The following TBC1D5 variants were observed in gnomAD, a reference collection of about 807,000 sequenced individuals.
TBC1D5 encodes the protein TBC1 domain family, member 5.
In TBC1D5, 75 loss-of-function variants were observed where a neutral mutation model predicts 100.3. The observed-to-expected ratio is 0.75, with a 90% confidence interval of 0.62 to 0.91. The LOEUF is 0.91. Ranked by LOEUF, TBC1D5 falls within the 40% of genes least tolerant of loss-of-function variation. TBC1D5 has a pLI of 0.00. For synonymous variants in TBC1D5, 323 were observed against 325.6 expected (o/e 0.99, Z 0.09); for missense variants, 910 against 942.4 (o/e 0.97, Z 0.45).
At chr3:17,162,023 TAAC>T (rs2066108546) in intron 21 of TBC1D5, among the ~76,000 whole-genome samples, 1 of 148,502 alleles carries the variant, frequency 6.7e-6, no homozygotes, top group African/African-American at 2.6e-5. Flanking sequence ...TTTTATTTTT[TAAC>T]TTACTTAATA....
chr3:17,317,396 A>ATTCC (rs2084828161), intron 13 of TBC1D5, among the ~76,000 whole-genome samples: 1 of 152,174 alleles, frequency 6.6e-6, no homozygotes, highest in Non-Finnish European at 1.5e-5. Flanking sequence ...ATGAAGGGAA[A>ATTCC]GGGCAGTCAA....
At chr3:17,228,146 C>T (rs1290727896) in intron 17 of TBC1D5, among the ~76,000 whole-genome samples, 1 of 152,064 alleles carries the variant, frequency 6.6e-6, no homozygotes, top group Non-Finnish European at 1.5e-5. Context: ...GAGATTATGG[C>T]CTTCAACTGA....
chr3:17,450,360 G>A (rs2094897667), intron 3 of TBC1D5, among the ~76,000 whole-genome samples: 1 of 152,110 alleles, frequency 6.6e-6, no homozygotes, highest in Non-Finnish European at 1.5e-5. Context: ...ACCAGCAAGG[G>A]AACAAAACTG....
chr3:17,590,700 C>T (rs879676110), intron 2 of TBC1D5, among the ~76,000 whole-genome samples: 6 of 152,082 alleles, frequency 3.9e-5, no homozygotes, highest in East Asian at 1.9e-4. Context: ...AGTTGGATCC[C>T]GAGGTGGCAG....
intron 1 of TBC1D5, among the ~76,000 whole-genome samples, chr3:17,637,026 A>ATT (rs200983087): frequency 7.0e-6 from 1 of 143,424 alleles, no homozygotes. Context: ...ATCATTTATT[A>ATT]TTTTTTTTTT....
chr3:17,427,536 G>C (rs1468768715), intron 4 of TBC1D5, among the ~76,000 whole-genome samples: 3 of 151,674 alleles, frequency 2.0e-5, no homozygotes, highest in Non-Finnish European at 3.0e-5. Context: ...ATTTATTATA[G>C]AAAAGAAGAC....
intron 16 of TBC1D5, among the ~76,000 whole-genome samples, chr3:17,239,709 G>C (rs2076156205): frequency 6.6e-6 from 1 of 152,016 alleles, no homozygotes; most frequent in Admixed American, 6.5e-5. Context: ...CTCTTGGCCA[G>C]CACCTGTATT....
chr3:17,433,023 C>T (rs1350367854), intron 3 of TBC1D5, among the ~76,000 whole-genome samples: 3 of 112,512 alleles, frequency 2.7e-5, no homozygotes, highest in Non-Finnish European at 5.6e-5. Flanking sequence ...TTTACACTTG[C>T]CCTTGCCCCA....
intron 1 of TBC1D5, among the ~76,000 whole-genome samples, chr3:17,702,014 AGTTT>A (rs2073288320): frequency 6.6e-6 from 1 of 152,190 alleles, no homozygotes; most frequent in East Asian, 1.9e-4. Context: ...AACTGTGTTT[AGTTT>A]ATTAAATTAG....
chr3:17,480,858 T>C (rs2095493443), intron 3 of TBC1D5, among the ~76,000 whole-genome samples: 1 of 152,168 alleles, frequency 6.6e-6, no homozygotes, highest in African/African-American at 2.4e-5. Context: ...TTGCTCACCA[T>C]CCAGTTGTCC....
At chr3:17,499,703 AT>A (rs1231040006) in intron 3 of TBC1D5, among the ~76,000 whole-genome samples, 1 of 148,904 alleles carries the variant, frequency 6.7e-6, no homozygotes, top group Non-Finnish European at 1.5e-5. Context: ...AAAAAAAAAA[AT>A]CTAAACCCTT....
intron 1 of TBC1D5, among the ~76,000 whole-genome samples, chr3:17,646,344 T>C (rs532000007): frequency 6.6e-6 from 1 of 152,242 alleles, no homozygotes; most frequent in South Asian, 2.1e-4. Flanking sequence ...AAATTTCTTT[T>C]GTTTTTAGCC....
At chr3:17,688,905 A>G (rs1202642570) in intron 1 of TBC1D5, among the ~76,000 whole-genome samples, 1 of 152,316 alleles carries the variant, frequency 6.6e-6, no homozygotes, top group East Asian at 1.9e-4. Context: ...CACATCTAAC[A>G]TAAATTATAT....
chr3:17,660,414 T>C (rs1288515829), intron 1 of TBC1D5, among the ~76,000 whole-genome samples: 1 of 152,162 alleles, frequency 6.6e-6, no homozygotes, highest in Non-Finnish European at 1.5e-5. Context: ...CTGAACCAAA[T>C]GCTATAATAC....
intron 18 of TBC1D5, among the ~76,000 whole-genome samples, chr3:17,198,091 T>C (rs1428426431): frequency 6.6e-6 from 1 of 152,214 alleles, no homozygotes; most frequent in Admixed American, 6.5e-5. Flanking sequence ...AATACATTCA[T>C]GAAAATCAAA....
At position 17,442,760 on chromosome 3, in the gene TBC1D5, T is replaced by C. The variant is rs1255362332; in HGVS notation, c.98-14241A>G. On this transcript the variant is annotated intron_variant, in intron 3 of 21. Transcript: ENST00000253692. The stretch of plus-strand genomic sequence containing the variant: ...GACTAAAAAAGCATGGAAAGGACTT[T>C]GAAACTGCTGACACTGGAACCTCCA... Among the ~76,000 whole-genome samples the C allele has an allele frequency of 1.3e-5, 2 of 152,194 alleles. 1 individual carries two copies.
chr3:17,558,507 A>G (rs1181421339), intron 2 of TBC1D5, among the ~76,000 whole-genome samples: 5 of 152,234 alleles, frequency 3.3e-5, no homozygotes, highest in Non-Finnish European at 4.4e-5. Context: ...AATGTGATCA[A>G]AAACTAATAG....
At chr3:17,214,688 G>C (rs1487658471) in intron 17 of TBC1D5, among the ~76,000 whole-genome samples, 1 of 151,148 alleles carries the variant, frequency 6.6e-6, no homozygotes. Context: ...TAAATGACTG[G>C]GTGTTTCTTC....
chr3:17,367,166 A>T (rs2092195996), intron 13 of TBC1D5, among the ~76,000 whole-genome samples: 2 of 152,198 alleles, frequency 1.3e-5, no homozygotes, highest in African/African-American at 4.8e-5. Context: ...AGTGATAATA[A>T]AACAGTTATT....
Sources: allele counts gnomAD v4.1 joint callset (sites outside exome capture counted in the v4.1 genomes callset), GRCh38; gene constraint gnomAD v4.1.1; transcripts MANE v1.5; gene names NCBI Gene and HGNC (gene_info 2026-07-23, HGNC 2026-07-21).